RGS3: variants seen among roughly 807,000 people sequenced by gnomAD.
RGS3 encodes regulator of G protein signaling 3.
In RGS3, 80 loss-of-function variants were observed where a neutral mutation model predicts 132.6. The observed-to-expected ratio is 0.60, with a 90% CI of 0.50 to 0.73. RGS3 has a LOEUF of 0.73. RGS3 is among the 30% of genes least tolerant of loss of function. The pLI, the probability that RGS3 is intolerant of heterozygous loss-of-function variation, is 0.00. For missense variants in RGS3, 1,382 were observed against 1,530.8 expected, an observed-to-expected ratio of 0.90 and a Z score of 1.62; for synonymous variants, 598 against 620.6, an observed-to-expected ratio of 0.96 and a Z score of 0.54.
intron 19 of RGS3, chr9:113,564,813 C>T: frequency 4.2e-6 from 2 of 475,764 alleles, no homozygotes; most frequent in Non-Finnish European, 5.5e-6. Flanking sequence ...CACCCCCCAC[C>T]CTGGGGGCAG....
At chr9:113,453,093 T>A (rs1246989356) in intron 1 of RGS3, among the ~76,000 whole-genome samples, 1 of 135,566 alleles carries the variant, frequency 7.4e-6, no homozygotes, top group Middle Eastern at 4.5e-3. Context: ...TATAGAAATA[T>A]ATTTTATATA....
intron 19 of RGS3, among the ~76,000 whole-genome samples, chr9:113,568,688 G>A (rs1409420743): frequency 6.6e-6 from 1 of 152,224 alleles, no homozygotes; most frequent in South Asian, 2.1e-4. Context: ...GTGGAGCCAG[G>A]CAGTTTCCAA....
At chr9:113,489,915 T>C (rs1200148302) in intron 7 of RGS3, among the ~76,000 whole-genome samples, 1 of 152,210 alleles carries the variant, frequency 6.6e-6, no homozygotes, top group African/African-American at 2.4e-5. Flanking sequence ...AGCATCTGTT[T>C]CACTAATTCT....
intron 19 of RGS3, among the ~76,000 whole-genome samples, chr9:113,540,202 C>G (rs1832846612): frequency 6.6e-6 from 1 of 152,114 alleles, no homozygotes; most frequent in South Asian, 2.1e-4. Context: ...GTACTAAACT[C>G]CCTGCATGGG....
At chr9:113,445,194 T>G (rs988550469) in intron 1 of RGS3, among the ~76,000 whole-genome samples, 4 of 152,002 alleles carry the variant, frequency 2.6e-5, no homozygotes, top group African/African-American at 4.8e-5. Flanking sequence ...TTTTCTTTTT[T>G]TTTTTTGTTT....
intron 9 of RGS3, 109 bp downstream of exon 7, chr9:113,497,513 T>C (rs1201203964): frequency 1.1e-6 from 1 of 893,612 alleles, no homozygotes. Flanking sequence ...CTGAGAATGC[T>C]ATCAGCCTGC....
chr9:113,556,758 G>A (rs1217407213), intron 19 of RGS3, among the ~76,000 whole-genome samples: 4 of 152,182 alleles, frequency 2.6e-5, no homozygotes, highest in African/African-American at 7.2e-5. Flanking sequence ...CTAGGATGAT[G>A]GATCTGAAAC....
chr9:113,583,223 G>A, intron 19 of RGS3: 3 of 724,194 alleles, frequency 4.1e-6, no homozygotes, highest in Non-Finnish European at 6.6e-6. Context: ...TCCTATAAAT[G>A]ACCAGCTGTG....
At chr9:113,501,353 C>T (rs761065537) in intron 10 of RGS3, 1 of 1,262,220 alleles carries the variant, frequency 7.9e-7, no homozygotes, top group Non-Finnish European at 1.0e-6. Context: ...TAAAACTCTC[C>T]CTCTTCCTTG....
intron 19 of RGS3, among the ~76,000 whole-genome samples, chr9:113,540,097 C>T (rs1832841755): frequency 6.6e-6 from 1 of 152,030 alleles, no homozygotes; most frequent in Non-Finnish European, 1.5e-5. Flanking sequence ...TCCTGTTCAT[C>T]ACCCGCTCCT....
intron 24 of RGS3, 53 bp from the exon 23 acceptor site, chr9:113,596,715 T>C: frequency 6.6e-7 from 1 of 1,519,066 alleles, no homozygotes; most frequent in Non-Finnish European, 8.9e-7. Flanking sequence ...ACATGGGCCC[T>C]AGGGTCAGTC....
At chr9:113,547,198 C>T (rs750633300) in intron 19 of RGS3, among the ~76,000 whole-genome samples, 9 of 152,044 alleles carry the variant, frequency 5.9e-5, no homozygotes, top group Admixed American at 2.0e-4. Context: ...TGCAAAGCCT[C>T]GGTACTCTAA....
At chr9:113,584,497 G>A (rs1670232795) in intron 20 of RGS3, 70 bp downstream of exon 18, 2 of 1,435,796 alleles carry the variant, frequency 1.4e-6, no homozygotes, top group South Asian at 1.4e-5. Flanking sequence ...GGGCTGCAGG[G>A]AATGAGAAGT....
intron 19 of RGS3, among the ~76,000 whole-genome samples, chr9:113,539,269 G>C (rs1035281931): frequency 1.3e-5 from 2 of 152,194 alleles, no homozygotes; most frequent in African/African-American, 4.8e-5. Context: ...GCCAAACGGA[G>C]CCCGGAGGCT....
At chr9:113,496,847 G>A (rs1412117909) in intron 8 of RGS3, among the ~76,000 whole-genome samples, 4 of 152,212 alleles carry the variant, frequency 2.6e-5, no homozygotes, top group East Asian at 3.9e-4. Flanking sequence ...CACCGCGCCC[G>A]GTCTAGAGCT....
chr9:113,492,095 A>G (rs961579482), intron 7 of RGS3, among the ~76,000 whole-genome samples: 5 of 152,256 alleles, frequency 3.3e-5, no homozygotes, highest in African/African-American at 4.8e-5. Context: ...TTAAATATAA[A>G]TTAGGATTAA....
intron 19 of RGS3, among the ~76,000 whole-genome samples, chr9:113,544,745 G>A (rs959300236): frequency 5.3e-5 from 8 of 152,186 alleles, no homozygotes; most frequent in East Asian, 1.9e-4. Flanking sequence ...TTTTATCCTA[G>A]GTCACACAGC....
chr9:113,591,577 C>T lies in RGS3; in HGVS notation c.3080+180C>T. The T allele has an allele frequency of 3.3e-6, 2 of 605,480 alleles. No homozygotes were observed. The highest frequency in any genetic ancestry group is 5.9e-6 in the Non-Finnish European group (2 of 336,632). The allele number at this position is 605,480 out of a possible 1,614,324, so 37.5% of individuals were successfully genotyped here. A position where few individuals can be genotyped will look rare whatever the true frequency, so the allele number is the denominator to read the frequency against. On this transcript the variant is annotated intron_variant, in intron 21 of 24. Coordinates refer to ENST00000350696, the Ensembl canonical transcript of RGS3. This position sits in a 1 kb window ranked among gnomAD's most constrained non-coding sequence, Gnocchi z 4.4. ...TGCAGTGACCCCAAAGTGGGGTCAC[C>T]TGGGTCCTGAGCATTCTCTCCAAGT...
chr9:113,518,069 C>T (rs975724011), intron 16 of RGS3, among the ~76,000 whole-genome samples: 3 of 152,204 alleles, frequency 2.0e-5, no homozygotes, highest in Admixed American at 2.0e-4. Context: ...TCTATGATTT[C>T]GCCTGGGTTG....
Sources: allele counts gnomAD v4.1 joint callset (sites outside exome capture counted in the v4.1 genomes callset), GRCh38; gene constraint gnomAD v4.1.1; non-coding constraint Gnocchi (gnomAD v3.1); transcripts MANE v1.5; gene names NCBI Gene and HGNC (gene_info 2026-07-23, HGNC 2026-07-21).